The following KCNIP1 variants were observed in gnomAD, a reference collection of about 807,000 sequenced individuals.
The protein encoded by KCNIP1 is A-type potassium channel modulatory protein KCNIP1.
In KCNIP1, 18 loss-of-function variants were observed where a neutral mutation model predicts 33.0. The ratio of observed to expected loss-of-function variants is 0.55; its 90% confidence interval spans 0.38 to 0.81. KCNIP1 has a LOEUF of 0.81. KCNIP1 is among the 30% of genes least tolerant of loss of function. KCNIP1 has a pLI of 0.00. For synonymous variants in KCNIP1, 93 were observed against 98.3 expected (o/e 0.95, Z 0.32); for missense variants, 238 against 271.6 (o/e 0.88, Z 0.87).
chr5:170,439,125 A>G (rs1330471027), intron 1 of KCNIP1, among the ~76,000 whole-genome samples: 2 of 152,168 alleles, frequency 1.3e-5, no homozygotes, highest in African/African-American at 4.8e-5. Context: ...AGTTGTACTC[A>G]CATGCCTGGG....
chr5:170,440,154 G>A lies in KCNIP1; in HGVS notation c.88+86190G>A, dbSNP rs143039990. Among the ~76,000 whole-genome samples, 28 of 152,288 alleles carry A rather than the reference G, an allele frequency of 1.8e-4. 2 individuals carry two copies. Among genetic ancestry groups the A allele is most frequent in the African/African-American group, 6.7e-4 (28 of 41,556 alleles). ...GACCACGTGAAGACACGGAGAAGGC[G>A]GCGTCTGCAAACCAAGGAGAGAGGC... On this transcript the variant is annotated intron_variant, in intron 1 of 7. Transcript: ENST00000377360.
chr5:170,451,640 T>C (rs1756253074), intron 1 of KCNIP1, among the ~76,000 whole-genome samples: 1 of 152,074 alleles, frequency 6.6e-6, no homozygotes, highest in South Asian at 2.1e-4. Context: ...GAGAAATGTA[T>C]TTCTGATAGG....
At chr5:170,426,247 T>TCACACACACACACACACACACACACA (rs143211356) in intron 1 of KCNIP1, among the ~76,000 whole-genome samples, 1 of 149,162 alleles carries the variant, frequency 6.7e-6, no homozygotes, top group African/African-American at 2.5e-5. Context: ...TCAAAAGGAA[T>TCACACACACACACACACACACACACA]CACACACACA....
At chr5:170,461,705 G>A (rs565918593) in intron 1 of KCNIP1, among the ~76,000 whole-genome samples, 18 of 150,600 alleles carry the variant, frequency 1.2e-4, no homozygotes, top group African/African-American at 2.9e-4. Context: ...AGCTGAGATA[G>A]AGCCACTGCA....
At chr5:170,465,114 G>A (rs141539814) in intron 1 of KCNIP1, among the ~76,000 whole-genome samples, 23 of 152,292 alleles carry the variant, frequency 1.5e-4, no homozygotes, top group African/African-American at 5.5e-4. Flanking sequence ...CATGCTGGAC[G>A]CTGGAGAGAG....
At chr5:170,456,287 C>T (rs1756372408) in intron 1 of KCNIP1, among the ~76,000 whole-genome samples, 1 of 151,968 alleles carries the variant, frequency 6.6e-6, no homozygotes, top group African/African-American at 2.4e-5. Context: ...GGGAGGGGAA[C>T]ATCACACACC....
At chr5:170,636,321 G>C (rs756191394) in intron 1 of KCNIP1, among the ~76,000 whole-genome samples, 38 of 152,118 alleles carry the variant, frequency 2.5e-4, no homozygotes, top group Non-Finnish European at 4.6e-4. Flanking sequence ...TGAGCCCTGA[G>C]GGGGGCAGAA....
At position 170,537,871 on chromosome 5, in the gene KCNIP1, C is replaced by T. The variant is rs984224068; in HGVS notation, c.61+33238C>T. ...CACTGTACACAGTCCTTTTGTTACACGGCCTTCCAATTCCCCAATCTGAGG... is the reference window on the plus strand; with the variant it reads ...CACTGTACACAGTCCTTTTGTTACATGGCCTTCCAATTCCCCAATCTGAGG... On this transcript the variant is annotated intron_variant, in intron 1 of 7. Transcript: ENST00000328939. Among the ~76,000 whole-genome samples the T allele has an allele frequency of 5.3e-5, 8 of 152,346 alleles. No individual in the cohort carries two copies. In the East Asian group the frequency reaches 7.7e-4, roughly 15 times the overall value.
At chr5:170,620,321 T>C (rs536380091) in intron 1 of KCNIP1, among the ~76,000 whole-genome samples, 307 of 152,320 alleles carry the variant, frequency 2.0e-3, no homozygotes, top group Non-Finnish European at 3.4e-3. Flanking sequence ...CTTAATTCCA[T>C]TGGTTCTCTA....
intron 1 of KCNIP1, among the ~76,000 whole-genome samples, chr5:170,616,290 A>G (rs1447121842): frequency 1.5e-5 from 2 of 132,792 alleles, no homozygotes; most frequent in African/African-American, 5.8e-5. Context: ...TTAGTCAACA[A>G]TGTTTTCTGA....
At chr5:170,543,992 C>T (rs1756312925) in intron 1 of KCNIP1, among the ~76,000 whole-genome samples, 2 of 152,118 alleles carry the variant, frequency 1.3e-5, no homozygotes, top group Non-Finnish European at 1.5e-5. Flanking sequence ...AAAACTTAAG[C>T]GTGCATAAAA....
intron 1 of KCNIP1, among the ~76,000 whole-genome samples, chr5:170,586,858 G>A (rs530361720): frequency 5.3e-5 from 8 of 152,316 alleles, no homozygotes; most frequent in Admixed American, 2.6e-4. Flanking sequence ...CAACAACTGT[G>A]GATTGAGCAG....
At chr5:170,535,600 C>A (rs899449523) in intron 1 of KCNIP1, among the ~76,000 whole-genome samples, 2 of 152,168 alleles carry the variant, frequency 1.3e-5, no homozygotes, top group East Asian at 1.9e-4. Flanking sequence ...ACCCCACCCC[C>A]AGTTGTTCCC....
At chr5:170,510,733 A>G (rs1044940871) in intron 1 of KCNIP1, among the ~76,000 whole-genome samples, 1 of 152,212 alleles carries the variant, frequency 6.6e-6, no homozygotes, top group African/African-American at 2.4e-5. Context: ...ATTCAAGGCC[A>G]GACTAAAAGC....
chr5:170,704,458 G>A (rs1439514725), intron 1 of KCNIP1, among the ~76,000 whole-genome samples: 1 of 107,226 alleles, frequency 9.3e-6, no homozygotes, highest in African/African-American at 4.7e-5. Flanking sequence ...TACCTCACAG[G>A]GGTTAAGCAA....
chr5:170,458,037 A>G (rs1756425531), intron 1 of KCNIP1, among the ~76,000 whole-genome samples: 1 of 152,222 alleles, frequency 6.6e-6, no homozygotes, highest in African/African-American at 2.4e-5. Flanking sequence ...ACACAGTTAT[A>G]GAAATGCAAA....
intron 1 of KCNIP1, among the ~76,000 whole-genome samples, chr5:170,438,249 T>C (rs1483041994): frequency 6.6e-6 from 1 of 152,208 alleles, no homozygotes; most frequent in Non-Finnish European, 1.5e-5. Context: ...AGACCAGTAC[T>C]GAGCTTTTCC....
intron 1 of KCNIP1, among the ~76,000 whole-genome samples, chr5:170,599,918 T>C (rs1758628140): frequency 6.6e-6 from 1 of 152,266 alleles, no homozygotes; most frequent in Non-Finnish European, 1.5e-5. Flanking sequence ...TTCCACTGCC[T>C]ATTCTGTTTA....
chr5:170,380,331 G>A (rs1342405092), intron 1 of KCNIP1, among the ~76,000 whole-genome samples: 6 of 152,196 alleles, frequency 3.9e-5, no homozygotes, highest in Non-Finnish European at 8.8e-5. Context: ...CACTGAGGGC[G>A]AGACCCAGGA....
Sources: gnomAD v4.1 joint callset for allele counts (sites outside exome capture counted in the v4.1 genomes callset) on GRCh38, gnomAD v4.1.1 for gene constraint, MANE v1.5 for transcripts, NCBI Gene and HGNC (gene_info 2026-07-23, HGNC 2026-07-21) for gene names.